PXDNL: variants seen among roughly 807,000 people sequenced by gnomAD.
The protein encoded by PXDNL is peroxidasin like, also known as probable oxidoreductase PXDNL.
Under a neutral mutation model 150.8 loss-of-function variants are expected in PXDNL, and 145 were observed. The ratio of observed to expected loss-of-function variants is 0.96; its 90% confidence interval spans 0.84 to 1.10. The LOEUF is 1.10. Ranked by LOEUF, PXDNL falls within the 50% of genes least tolerant of loss-of-function variation. PXDNL has a pLI of 0.00. For synonymous variants in PXDNL, 757 were observed against 725.7 expected (o/e 1.04, Z -0.69); for missense variants, 2,087 against 1,873.9 (o/e 1.11, Z -2.10).
chr8:51,546,559 A>T (rs1463674881), intron 4 of PXDNL, among the ~76,000 whole-genome samples: 1 of 152,226 alleles, frequency 6.6e-6, no homozygotes, highest in Non-Finnish European at 1.5e-5. Flanking sequence ...GCCACAGGGT[A>T]AAGGAAGCTC....
intron 18 of PXDNL, among the ~76,000 whole-genome samples, chr8:51,372,582 G>T (rs965027053): frequency 6.6e-6 from 1 of 151,968 alleles, no homozygotes; most frequent in African/African-American, 2.4e-5. Context: ...ACGGGGATTC[G>T]CCATGTTGGC....
chr8:51,394,266 C>T (rs1808006266), intron 17 of PXDNL, among the ~76,000 whole-genome samples: 1 of 152,148 alleles, frequency 6.6e-6, no homozygotes, highest in Admixed American at 6.5e-5. Flanking sequence ...CCTTTTTGTG[C>T]AACAAACGCC....
intron 1 of PXDNL, among the ~76,000 whole-genome samples, chr8:51,736,739 G>C (rs1482666143): frequency 6.6e-6 from 1 of 152,112 alleles, no homozygotes; most frequent in African/African-American, 2.4e-5. Flanking sequence ...GTACATAAGG[G>C]CAGTTGTAAA....
At chr8:51,648,172 A>G (rs1814963546) in intron 2 of PXDNL, among the ~76,000 whole-genome samples, 1 of 152,228 alleles carries the variant, frequency 6.6e-6, no homozygotes, top group African/African-American at 2.4e-5. Flanking sequence ...ATCATAACTA[A>G]TGATAATAAA....
intron 1 of PXDNL, among the ~76,000 whole-genome samples, chr8:51,806,337 T>C (rs2037675258): frequency 6.6e-6 from 1 of 152,216 alleles, no homozygotes; most frequent in Non-Finnish European, 1.5e-5. Context: ...ATTTACATCA[T>C]TTCCATGTTA....
rs144299296 is a variant in PXDNL, at chr8:51,623,630, G to A, written c.237-30932C>T. Among the ~76,000 whole-genome samples, 482 of 152,324 alleles carry A rather than the reference G, an allele frequency of 3.2e-3. 3 individuals carry two copies. The highest frequency in any genetic ancestry group is 0.017 in the Middle Eastern group (5 of 294). Reference sequence around the variant, plus strand: ...ACCATCCACAGCACCCAGCAGACCCGTGGGCACGCCTCTGGCTCCACATGT... The same window carrying A: ...ACCATCCACAGCACCCAGCAGACCCATGGGCACGCCTCTGGCTCCACATGT... On this transcript the variant is annotated intron_variant, in intron 2 of 22. Transcript: ENST00000356297.
intron 1 of PXDNL, among the ~76,000 whole-genome samples, chr8:51,787,903 T>G (rs1425973914): frequency 6.6e-6 from 1 of 152,050 alleles, no homozygotes; most frequent in Non-Finnish European, 1.5e-5. Context: ...TTCCACAGCT[T>G]CCCCAGCCTT....
intron 6 of PXDNL, among the ~76,000 whole-genome samples, chr8:51,479,828 T>C (rs564035649): frequency 1.7e-3 from 252 of 152,270 alleles, no homozygotes; most frequent in African/African-American, 5.8e-3. Flanking sequence ...TATATATCCA[T>C]GTAACAAATC....
chr8:51,698,975 T>C (rs1465322853), intron 1 of PXDNL, among the ~76,000 whole-genome samples: 1 of 152,222 alleles, frequency 6.6e-6, no homozygotes, highest in Non-Finnish European at 1.5e-5. Flanking sequence ...CTTTAAATAC[T>C]CACTAAACCT....
intron 8 of PXDNL, among the ~76,000 whole-genome samples, chr8:51,467,592 C>A (rs1247837889): frequency 6.6e-6 from 1 of 152,028 alleles, no homozygotes; most frequent in Non-Finnish European, 1.5e-5. Flanking sequence ...TGTAACAAAC[C>A]TGCACTTGTA....
At chr8:51,341,952 G>A (rs1012370449) in intron 20 of PXDNL, among the ~76,000 whole-genome samples, 1 of 151,998 alleles carries the variant, frequency 6.6e-6, no homozygotes, top group South Asian at 2.1e-4. Flanking sequence ...CCCACGCCTG[G>A]GTATACAGCC....
chr8:51,489,309 T>C, intron 5 of PXDNL, among the ~76,000 whole-genome samples: 1 of 152,294 alleles, frequency 6.6e-6, no homozygotes, highest in East Asian at 1.9e-4. Context: ...AAGATCTTAT[T>C]TTTATTTTAA....
chr8:51,724,490 GA>G (rs915272631), intron 1 of PXDNL, among the ~76,000 whole-genome samples: 1 of 150,496 alleles, frequency 6.6e-6, no homozygotes, highest in Non-Finnish European at 1.5e-5. Context: ...TGACATCGCA[GA>G]AAAAAAAAGG....
chr8:51,456,900 A>G (rs1809949247), intron 9 of PXDNL, among the ~76,000 whole-genome samples: 1 of 152,182 alleles, frequency 6.6e-6, no homozygotes. Context: ...CTCTCCTTAC[A>G]CATCATAAAA....
chr8:51,691,488 G>A (rs533895351), intron 1 of PXDNL, among the ~76,000 whole-genome samples: 1 of 151,582 alleles, frequency 6.6e-6, no homozygotes, highest in African/African-American at 2.4e-5. Flanking sequence ...GTAGACATGC[G>A]GCGTTATACT....
At chr8:51,423,504 A>T in intron 14 of PXDNL, 71 bp downstream of exon 14, 1 of 1,330,220 alleles carries the variant, frequency 7.5e-7, no homozygotes, top group Non-Finnish European at 1.0e-6. Context: ...GAGATCAGTC[A>T]AATAGGATTG....
chr8:51,563,414 A>C (rs770896910), intron 3 of PXDNL, among the ~76,000 whole-genome samples: 1 of 151,832 alleles, frequency 6.6e-6, no homozygotes, highest in Non-Finnish European at 1.5e-5. Context: ...GGGGCTCCAC[A>C]CTCATGACCT....
chr8:51,687,951 C>T (rs1162397634), intron 1 of PXDNL, among the ~76,000 whole-genome samples: 6 of 152,126 alleles, frequency 3.9e-5, no homozygotes, highest in Non-Finnish European at 8.8e-5. Context: ...AATGTGTTGC[C>T]ATTTTTAAAA....
At chr8:51,630,140 C>T (rs1814461056) in intron 2 of PXDNL, among the ~76,000 whole-genome samples, 1 of 152,108 alleles carries the variant, frequency 6.6e-6, no homozygotes, top group South Asian at 2.1e-4. Context: ...CACACACTTA[C>T]AATCAATTGA....
Sources: allele counts gnomAD v4.1 joint callset (sites outside exome capture counted in the v4.1 genomes callset), GRCh38; gene constraint gnomAD v4.1.1; transcripts MANE v1.5; gene names NCBI Gene and HGNC (gene_info 2026-07-23, HGNC 2026-07-21).